PHF19: variants seen among roughly 807,000 people sequenced by gnomAD.
The protein encoded by PHF19 is PHD finger protein 19.
Under a neutral mutation model 79.8 loss-of-function variants are expected in PHF19, and 21 were observed. The ratio of observed to expected loss-of-function variants is 0.26; its 90% CI spans 0.19 to 0.38. The LOEUF is 0.38. Among genes scored for constraint, PHF19 ranks in the 10% least tolerant of loss-of-function variants. The pLI is 1.00. For synonymous variants in PHF19, 273 were observed against 296.3 expected, an observed-to-expected ratio of 0.92 and a Z score of 0.81; for missense variants, 445 against 744.2, an observed-to-expected ratio of 0.60 and a Z score of 4.68.
intron 1 of PHF19, among the ~76,000 whole-genome samples, chr9:120,890,462 G>A (rs1291438946): frequency 1.3e-5 from 2 of 152,076 alleles, no homozygotes; most frequent in Non-Finnish European, 2.9e-5. Flanking sequence ...GGGGGATGCA[G>A]GCCGGTGACG....
At position 120,890,239 on chromosome 9, in the gene PHF19, G is replaced by A. The variant is rs114948844; in HGVS notation, c.42+4549C>T. ...GCAGATGCTGTTGGACCCTGATTCA[G>A]GTTTTGTGAGCTGAGGCCTCACAAA... is the stretch of plus-strand genomic sequence containing the variant. On this transcript the variant is annotated intron_variant, in intron 1 of 14. Coordinates refer to the PHF19 transcript ENST00000616568. 5.7e-3 allele frequency among the ~76,000 whole-genome samples: 840 copies of A among 147,288 alleles called. 12 individuals carry two copies. The highest frequency in any genetic ancestry group is 0.02 in the African/African-American group (791 of 39,316).
chr9:120,869,451 T>G lies in PHF19; in HGVS notation c.466-121A>C. On this transcript the variant is annotated intron_variant, in intron 5 of 14. Transcript: ENST00000373896. The surrounding 1 kb of genome is among the most constrained non-coding windows in gnomAD (Gnocchi z 5.8). ...TGGGGGACCCGCAGATATTCCAATATAGTCAGAAAAGCAAGGAGCTTTTTC... is the reference window on the plus strand; with the variant it reads ...TGGGGGACCCGCAGATATTCCAATAGAGTCAGAAAAGCAAGGAGCTTTTTC... 1 of 1,335,560 alleles carries G rather than the reference T, an allele frequency of 7.5e-7. No individual in the cohort carries two copies. Among genetic ancestry groups the G allele is most frequent in the Non-Finnish European group, 1.0e-6 (1 of 998,624 alleles). 82.7% of individuals were successfully genotyped at this position (1,335,560 alleles called of 1,614,324 possible). A position where few individuals can be genotyped will look rare whatever the true frequency, so the allele number is the denominator to read the frequency against.
At chr9:120,885,009 C>G (rs1258169875) in intron 1 of PHF19, among the ~76,000 whole-genome samples, 1 of 152,134 alleles carries the variant, frequency 6.6e-6, no homozygotes, top group African/African-American at 2.4e-5. Flanking sequence ...CATTTGAGGC[C>G]AGGAGTTCAA....
rs973023156 is a variant in PHF19, at chr9:120,866,402, C to T, written c.711-306G>A. Among the ~76,000 whole-genome samples the T allele has an allele frequency of 5.9e-5, 9 of 152,172 alleles. No individual in the cohort carries two copies. Among genetic ancestry groups the T allele is most frequent in the South Asian group, 2.1e-4 (1 of 4,832 alleles). Reference sequence around the variant, plus strand: ...TCTTCCCCTCTGAGACAGCCACACACGCAATCACAAATGACATGAGACACC... The same window carrying T: ...TCTTCCCCTCTGAGACAGCCACACATGCAATCACAAATGACATGAGACACC... On this transcript the variant is annotated intron_variant, in intron 7 of 14. Coordinates refer to ENST00000373896, the MANE Select transcript of PHF19 (RefSeq NM_015651.3). The surrounding 1 kb of genome is among the most constrained non-coding windows in gnomAD (Gnocchi z 5.2).
At chr9:120,894,803 G>C in exon 1 of PHF19, 1 of 1,230,584 alleles carries the variant, frequency 8.1e-7, no homozygotes, top group East Asian at 3.2e-5. Flanking sequence ...CGCTGGGATA[G>C]GGACCACGGA....
At chr9:120,885,665 CAT>C (rs1444392864) in intron 1 of PHF19, among the ~76,000 whole-genome samples, 1 of 152,174 alleles carries the variant, frequency 6.6e-6, no homozygotes, top group Non-Finnish European at 1.5e-5. Flanking sequence ...TAAATCAGCA[CAT>C]GAGCCATAAG....
intron 8 of PHF19, 54 bp from the exon 9 acceptor site, chr9:120,865,884 A>T: frequency 1.2e-6 from 2 of 1,612,920 alleles, no homozygotes; most frequent in Non-Finnish European, 1.7e-6. Flanking sequence ...CTGCTCAGCC[A>T]GGGTCACAGC....
In PHF19 at chr9:120,869,095, G is replaced by T. The variant is rs2045808710; in HGVS notation, c.614+87C>A. ...TCAAGGTCCCCGCCTTGGCTGACAC[G>T]CCAGGCTCGCTCCCTATGGGCGGTC... On this transcript the variant is annotated intron_variant, in intron 6 of 14. Transcript: ENST00000373896. The surrounding 1 kb of genome is among the most constrained non-coding windows in gnomAD (Gnocchi z 5.8). The T allele has an allele frequency of 7.4e-7, 1 of 1,344,338 alleles. No homozygotes were observed. Among genetic ancestry groups the T allele is most frequent in the Non-Finnish European group, 9.9e-7 (1 of 1,012,488 alleles). The allele number at this position is 1,344,338 out of a possible 1,614,324, so 83.3% of individuals were successfully genotyped here.
Position 120,865,797 on chromosome 9 carries a change from C to T in PHF19, c.813G>A (p.Leu271=), listed in dbSNP as rs1279971362. 1.9e-6 allele frequency: 3 copies of T among 1,614,046 alleles called. No individual in the cohort carries two copies. Among genetic ancestry groups the T allele is most frequent in the African/African-American group, 2.7e-5 (2 of 74,916 alleles). ...VDVVHLALYN[L]GVQSKKKYFD... is the part of the protein sequence containing the mutation. The stretch of plus-strand genomic sequence containing the variant: ...AGTACTTCTTCTTGCTCTGTACCCC[C>T]AGATTATAGAGGGCCAGGTGAACCA... The change falls in exon 9 of 15, where the codon CTG becomes CTA. Residue 271 remains leucine (L), a synonymous_variant. Coordinates refer to ENST00000373896, the MANE Select transcript of PHF19 (RefSeq NM_015651.3).
chr9:120,876,342 G>A (rs1476488416), intron 1 of PHF19: 2 of 152,214 alleles, frequency 1.3e-5, no homozygotes, highest in Non-Finnish European at 2.9e-5. Context: ...CCAGGCCGGG[G>A]CCGCTGCAGG....
At chr9:120,880,827 G>A (rs755114653), upstream of PHF19, among the ~76,000 whole-genome samples, 1 of 151,978 alleles carries the variant, frequency 6.6e-6, no homozygotes, top group African/African-American at 2.4e-5. Flanking sequence ...GGGCATGATG[G>A]CATGCACCTG....
chr9:120,860,484 G>C lies in PHF19; in HGVS notation c.1305-299C>G. ...TCACAGGTCAAAAGTGCTTTCATTTGCATTATCTTGTTTGAGGAAAAGAGC... is the reference window on the plus strand; with the variant it reads ...TCACAGGTCAAAAGTGCTTTCATTTCCATTATCTTGTTTGAGGAAAAGAGC... On this transcript the variant is annotated intron_variant, in intron 13 of 14. Coordinates refer to ENST00000373896, the MANE Select transcript of PHF19 (RefSeq NM_015651.3). This position sits in a 1 kb window ranked among gnomAD's most constrained non-coding sequence, Gnocchi z 4.1. The C allele has an allele frequency of 2.6e-6, 1 of 387,342 alleles. No homozygotes were observed. The highest frequency in any genetic ancestry group is 4.9e-6 in the Non-Finnish European group (1 of 204,386). 24.0% of individuals were successfully genotyped at this position (387,342 alleles called of 1,614,324 possible).
chr9:120,861,196 A>T, intron 12 of PHF19, 22 bp from the exon 13 acceptor site: 1 of 1,373,230 alleles, frequency 7.3e-7, no homozygotes, highest in Non-Finnish European at 1.0e-6. Flanking sequence ...GGAAGGAGAG[A>T]GGAAGGGTCA....
At chr9:120,863,746 C>A (rs1254383029) in intron 10 of PHF19, among the ~76,000 whole-genome samples, 2 of 152,166 alleles carry the variant, frequency 1.3e-5, no homozygotes, top group African/African-American at 2.4e-5. Flanking sequence ...AGATGATGCA[C>A]CCATCCCTCA....
At chr9:120,876,918 C>T (rs531493680) in intron 1 of PHF19, 173 bp downstream of exon 1, 518 of 958,154 alleles carry the variant, frequency 5.4e-4, no homozygotes, top group Non-Finnish European at 6.2e-4. Flanking sequence ...GGCCCCTCTG[C>T]CCCGCAGGTA....
upstream of PHF19, among the ~76,000 whole-genome samples, chr9:120,895,856 T>C (rs1466845350): frequency 6.6e-6 from 1 of 152,184 alleles, no homozygotes; most frequent in East Asian, 1.9e-4. Context: ...TTTCACCACG[T>C]TGGCCAGGCT....
rs879285281 is a variant in PHF19 at position 120,860,742 on chromosome 9, G to A, written c.1304+347C>T. ...AAAGGAGGGCGTCCAGCACAGCCTGGGGAGGGTTAGTAAAGCCTTCCTGGA... is the reference window on the plus strand; with the variant it reads ...AAAGGAGGGCGTCCAGCACAGCCTGAGGAGGGTTAGTAAAGCCTTCCTGGA... On this transcript the variant is annotated intron_variant, in intron 13 of 14. Transcript: ENST00000373896. The surrounding 1 kb of genome is among the most constrained non-coding windows in gnomAD (Gnocchi z 4.1). 6.6e-6 allele frequency among the ~76,000 whole-genome samples: 1 copy of A among 152,174 alleles called. No homozygotes were observed. The highest frequency in any genetic ancestry group is 1.5e-5 in the Non-Finnish European group (1 of 68,032).
chr9:120,899,823 C>T (rs1004101515), upstream of PHF19, among the ~76,000 whole-genome samples: 1 of 152,172 alleles, frequency 6.6e-6, no homozygotes, highest in Non-Finnish European at 1.5e-5. Context: ...AGGCAAATCC[C>T]CTCCTCAGTT....
chr9:120,871,758 G>A lies in PHF19; in HGVS notation c.269-1220C>T, dbSNP rs541996117. Among the ~76,000 whole-genome samples the A allele has an allele frequency of 2.6e-5, 4 of 152,098 alleles. No homozygotes were observed. In the East Asian group the frequency reaches 7.7e-4, roughly 29 times the overall value. ...GTAAGGGTAGAAATGGGATCTCTTCGGCCGGGCGCAGTGGCTCACGCCTGT... is the reference window on the plus strand; with the variant it reads ...GTAAGGGTAGAAATGGGATCTCTTCAGCCGGGCGCAGTGGCTCACGCCTGT... On this transcript the variant is annotated intron_variant, in intron 3 of 14. Coordinates refer to ENST00000373896, the MANE Select transcript of PHF19 (RefSeq NM_015651.3).
Sources: allele counts gnomAD v4.1 joint callset (sites outside exome capture counted in the v4.1 genomes callset), GRCh38; gene constraint gnomAD v4.1.1; non-coding constraint Gnocchi (gnomAD v3.1); transcripts MANE v1.5; gene names NCBI Gene and HGNC (gene_info 2026-07-23, HGNC 2026-07-21).